The following WWOX variants were observed in gnomAD, a reference collection of about 807,000 sequenced individuals.
WWOX encodes the protein WW domain containing oxidoreductase, also known as WW domain-containing oxidoreductase.
WWOX carries 69 observed loss-of-function variants against 46.2 expected under a neutral mutation model. That is an observed-to-expected ratio of 1.49 (90% CI 1.23 to 1.82). The LOEUF (loss-of-function observed/expected upper bound fraction) is 1.82, where lower values mean the gene tolerates loss of function less well. Ranked by LOEUF, WWOX falls within the 40% of genes most tolerant of loss-of-function variation. The pLI, the probability that WWOX is intolerant of heterozygous loss-of-function variation, is 0.00. For synonymous variants in WWOX, 359 were observed against 202.6 expected, an observed-to-expected ratio of 1.77 and a Z score of -6.56; for missense variants, 919 against 542.6, an observed-to-expected ratio of 1.69 and a Z score of -6.89.
chr16:78,202,070 T>G (rs916377788), intron 5 of WWOX, among the ~76,000 whole-genome samples: 3 of 152,056 alleles, frequency 2.0e-5, no homozygotes, highest in African/African-American at 7.3e-5. Context: ...TTTCCCAAAC[T>G]TTTACTAGCT....
chr16:79,189,444 T>A (rs1567607008), intron 8 of WWOX, among the ~76,000 whole-genome samples: 1 of 125,860 alleles, frequency 7.9e-6, no homozygotes, highest in Non-Finnish European at 1.8e-5. Context: ...TGTGTGTGTG[T>A]GTGTGTGTGT....
intron 8 of WWOX, among the ~76,000 whole-genome samples, chr16:78,577,104 C>G (rs1215598020): frequency 6.6e-6 from 1 of 152,188 alleles, no homozygotes; most frequent in Non-Finnish European, 1.5e-5. Flanking sequence ...GAACATTCTT[C>G]TCTTGGTGTA....
chr16:78,279,399 T>C (rs2079637789), intron 5 of WWOX, among the ~76,000 whole-genome samples: 1 of 152,186 alleles, frequency 6.6e-6, no homozygotes, highest in Non-Finnish European at 1.5e-5. Context: ...TCTCTATCTT[T>C]CATGGAAAAA....
intron 8 of WWOX, among the ~76,000 whole-genome samples, chr16:78,761,083 A>G (rs538235833): frequency 6.6e-6 from 1 of 152,274 alleles, no homozygotes; most frequent in East Asian, 1.9e-4. Flanking sequence ...GGGAGCTACA[A>G]TTCAAGATGC....
At chr16:78,147,551 C>T (rs941399911) in intron 4 of WWOX, among the ~76,000 whole-genome samples, 2 of 152,104 alleles carry the variant, frequency 1.3e-5, no homozygotes, top group East Asian at 3.8e-4. Context: ...GTGTTTTGAG[C>T]ACTTCCACGT....
intron 8 of WWOX, among the ~76,000 whole-genome samples, chr16:79,183,499 A>AT: frequency 6.6e-6 from 1 of 151,978 alleles, no homozygotes; most frequent in Non-Finnish European, 1.5e-5. Flanking sequence ...TACACATTTT[A>AT]TTTTTTTCTG....
intron 8 of WWOX, among the ~76,000 whole-genome samples, chr16:78,445,748 CT>C (rs1224276817): frequency 1.3e-5 from 2 of 152,014 alleles, no homozygotes; most frequent in Non-Finnish European, 2.9e-5. Flanking sequence ...TGTGGTGGAG[CT>C]TTCCTGTAGT....
At chr16:78,735,822 A>C (rs750158721) in intron 8 of WWOX, among the ~76,000 whole-genome samples, 8 of 128,572 alleles carry the variant, frequency 6.2e-5, no homozygotes, top group Non-Finnish European at 1.2e-4. Context: ...AGGCTTTGTG[A>C]ATCAGGGGAT....
intron 8 of WWOX, among the ~76,000 whole-genome samples, chr16:79,107,787 A>G (rs1168565582): frequency 6.6e-6 from 1 of 152,240 alleles, no homozygotes; most frequent in East Asian, 1.9e-4. Flanking sequence ...AAGTTTATGT[A>G]TCAGGTAATG....
intron 8 of WWOX, among the ~76,000 whole-genome samples, chr16:78,948,996 C>T (rs138319941): frequency 6.6e-6 from 1 of 152,172 alleles, no homozygotes; most frequent in East Asian, 1.9e-4. Context: ...ATGGAGGGGG[C>T]ACATGGCTAG....
intron 8 of WWOX, among the ~76,000 whole-genome samples, chr16:79,080,242 A>G (rs1309068703): frequency 6.6e-6 from 1 of 152,210 alleles, no homozygotes; most frequent in African/African-American, 2.4e-5. Context: ...CACTAGCGAT[A>G]GAGACAGAAA....
At chr16:78,596,049 T>C (rs1460413763) in intron 8 of WWOX, among the ~76,000 whole-genome samples, 2 of 152,216 alleles carry the variant, frequency 1.3e-5, no homozygotes, top group East Asian at 1.9e-4. Context: ...TTTTACTCTT[T>C]GTTGTTTCTG....
At chr16:78,177,336 C>A (rs1398865859) in intron 5 of WWOX, among the ~76,000 whole-genome samples, 1 of 152,102 alleles carries the variant, frequency 6.6e-6, no homozygotes, top group Non-Finnish European at 1.5e-5. Context: ...GTGGGTGACA[C>A]AAGATAGTCT....
chr16:78,208,333 T>C (rs1204365248), intron 5 of WWOX, among the ~76,000 whole-genome samples: 2 of 152,308 alleles, frequency 1.3e-5, no homozygotes, highest in Non-Finnish European at 2.9e-5. Context: ...AATCTTGAAA[T>C]AAATACTCTT....
intron 8 of WWOX, among the ~76,000 whole-genome samples, chr16:79,208,160 T>C (rs1357126182): frequency 6.6e-6 from 1 of 152,324 alleles, no homozygotes. Flanking sequence ...ACTCTCAAGA[T>C]TGATTGCACA....
chr16:78,757,116 T>C (rs555259265), intron 8 of WWOX: 5 of 679,798 alleles, frequency 7.4e-6, no homozygotes, highest in South Asian at 6.1e-5. Flanking sequence ...TTTGAGCCCC[T>C]ATCTAGAACC....
chr16:78,205,935 C>T (rs2036379979), intron 5 of WWOX, among the ~76,000 whole-genome samples: 1 of 151,026 alleles, frequency 6.6e-6, no homozygotes. Flanking sequence ...CCTTCTCTTT[C>T]TTTCTTTTGT....
At chr16:78,914,419 A>AT (rs1474872726) in intron 8 of WWOX, among the ~76,000 whole-genome samples, 1 of 152,046 alleles carries the variant, frequency 6.6e-6, no homozygotes, top group African/African-American at 2.4e-5. Context: ...TGAATGAGGG[A>AT]TTTGCAGCTT....
intron 8 of WWOX, among the ~76,000 whole-genome samples, chr16:78,730,729 G>C (rs991096324): frequency 1.3e-5 from 2 of 150,932 alleles, no homozygotes; most frequent in African/African-American, 4.9e-5. Flanking sequence ...CAAAGTGCTG[G>C]GATTACAGGT....
Sources: gnomAD v4.1 joint callset for allele counts (sites outside exome capture counted in the v4.1 genomes callset) on GRCh38, gnomAD v4.1.1 for gene constraint, MANE v1.5 for transcripts, NCBI Gene and HGNC (gene_info 2026-07-23, HGNC 2026-07-21) for gene names.